The following SMARCA2 variants were observed in gnomAD, a reference collection of about 807,000 sequenced individuals.
SMARCA2 encodes the protein SWI/SNF related BAF chromatin remodeling complex subunit ATPase 2, also known as SWI/SNF-related matrix-associated actin-dependent regulator of chromatin subfamily A member 2.
A neutral mutation model predicts 199.8 loss-of-function variants in SMARCA2; 61 were observed. The ratio of observed to expected loss-of-function variants is 0.31; its 90% confidence interval spans 0.25 to 0.38. The LOEUF (loss-of-function observed/expected upper bound fraction) is 0.38. Among genes scored for constraint, SMARCA2 ranks in the 10% least tolerant of loss-of-function variants. The pLI is 1.00. For synonymous variants in SMARCA2, 935 were observed against 732.0 expected (o/e 1.28, Z -4.48); for missense variants, 1,344 against 2,012.2 (o/e 0.67, Z 6.35).
intron 8 of SMARCA2, among the ~76,000 whole-genome samples, chr9:2,059,986 C>T (rs1586659439): frequency 2.6e-5 from 4 of 152,036 alleles, no homozygotes; most frequent in South Asian, 4.2e-4. Flanking sequence ...TGTTTAACCT[C>T]ATCATGTTGC....
intron 29 of SMARCA2, among the ~76,000 whole-genome samples, chr9:2,172,546 T>A (rs1369100797): frequency 1.3e-5 from 2 of 151,924 alleles, no homozygotes; most frequent in East Asian, 3.9e-4. Context: ...GACCAGCTCA[T>A]TGGAGACGAA....
rs1210960105 is a variant in SMARCA2 at position 2,170,074 on chromosome 9, A to G, written c.4200-345A>G. Reference sequence around the variant, plus strand: ...GGCTAAACTCAGATAGACTAGCACTACCTTCCCAAGATCACACGCACCTCT... The same window carrying G: ...GGCTAAACTCAGATAGACTAGCACTGCCTTCCCAAGATCACACGCACCTCT... On this transcript the variant is annotated intron_variant, in intron 28 of 33. Transcript: ENST00000349721. The surrounding 1 kb of genome is among the most constrained non-coding windows in gnomAD (Gnocchi z 4.7). Among the ~76,000 whole-genome samples, 5 of 152,102 alleles carry G rather than the reference A, an allele frequency of 3.3e-5. No homozygotes were observed. The highest frequency in any genetic ancestry group is 5.9e-5 in the Non-Finnish European group (4 of 68,012).
In SMARCA2 at chr9:2,192,870, G is replaced by A. The variant is rs931389028; in HGVS notation, c.*131G>A. The stretch of plus-strand genomic sequence containing the variant: ...ATCATCGTCTATAAACTAGCTTTAG[G>A]ATAGTGCCAGACAAACATATGATAT... On this transcript the variant is annotated 3_prime_UTR_variant, in exon 34 of 34. Transcript: ENST00000349721. 1 of 697,852 alleles carries A rather than the reference G, an allele frequency of 1.4e-6. No homozygotes were observed. The highest frequency in any genetic ancestry group is 2.6e-6 in the Non-Finnish European group (1 of 386,338). 43.2% of individuals were successfully genotyped at this position (697,852 alleles called of 1,614,324 possible).
chr9:2,172,913 G>A (rs1826335834), intron 29 of SMARCA2, among the ~76,000 whole-genome samples: 1 of 152,212 alleles, frequency 6.6e-6, no homozygotes, highest in African/African-American at 2.4e-5. Flanking sequence ...AGTCTGTGAA[G>A]GATGGATCGA....
At chr9:2,181,015 A>C (rs1163474288) in intron 29 of SMARCA2, among the ~76,000 whole-genome samples, 1 of 152,002 alleles carries the variant, frequency 6.6e-6, no homozygotes, top group Non-Finnish European at 1.5e-5. Flanking sequence ...TACAGTATGT[A>C]AAATACCCTA....
intron 27 of SMARCA2, among the ~76,000 whole-genome samples, chr9:2,142,689 G>A (rs755478092): frequency 1.3e-5 from 2 of 152,204 alleles, no homozygotes; most frequent in East Asian, 1.9e-4. Flanking sequence ...AATAAAGGCA[G>A]TTTAAAGAGG....
At chr9:2,144,590 G>A (rs1413326061) in intron 27 of SMARCA2, among the ~76,000 whole-genome samples, 2 of 152,184 alleles carry the variant, frequency 1.3e-5, no homozygotes, top group Non-Finnish European at 2.9e-5. Flanking sequence ...CCCATCAGTA[G>A]TTAGGAGCTG....
chr9:2,160,378 A>G (rs7032394), intron 27 of SMARCA2: 43,654 of 529,342 alleles, frequency 0.082, 2,880 homozygotes, highest in African/African-American at 0.26. Context: ...TGTTGCTTCT[A>G]TGGATTTGCA....
chr9:2,113,207 C>T (rs1823078257), intron 24 of SMARCA2, among the ~76,000 whole-genome samples: 1 of 152,120 alleles, frequency 6.6e-6, no homozygotes. Flanking sequence ...CTTAATGTTG[C>T]TGATTGAGGA....
chr9:2,141,138 T>C (rs1020048694), intron 27 of SMARCA2, among the ~76,000 whole-genome samples: 1 of 148,266 alleles, frequency 6.7e-6, no homozygotes, highest in African/African-American at 2.5e-5. Context: ...TCCAAATTTA[T>C]TCCCATAGGA....
intron 4 of SMARCA2, chr9:2,042,902 A>G (rs1819673175): frequency 6.6e-6 from 1 of 152,148 alleles, no homozygotes; most frequent in African/African-American, 2.4e-5. Flanking sequence ...TGTCACTGAG[A>G]GGGCACTGCC....
chr9:2,050,809 C>T (rs916910398), intron 5 of SMARCA2, among the ~76,000 whole-genome samples: 1 of 152,178 alleles, frequency 6.6e-6, no homozygotes, highest in Non-Finnish European at 1.5e-5. Context: ...AGATAACTCT[C>T]CTACAGGAAT....
In SMARCA2 at chr9:2,102,738, C is replaced by T. The variant is rs1002345513; in HGVS notation, c.3125+1122C>T. ...GTAATCCAAGACTCTTGTCCTCCCC[C>T]AGTCCATTCTTACATGACGTCCATA... On this transcript the variant is annotated intron_variant, in intron 22 of 33. Transcript: ENST00000349721. 2.0e-5 allele frequency among the ~76,000 whole-genome samples: 3 copies of T among 152,254 alleles called. No individual in the cohort carries two copies. In the East Asian group the frequency reaches 5.8e-4, roughly 29 times the overall value.
intron 4 of SMARCA2, chr9:2,043,547 G>GTT (rs1041684970): frequency 6.6e-6 from 1 of 151,866 alleles, no homozygotes; most frequent in African/African-American, 2.4e-5. Flanking sequence ...AAAATAAAGT[G>GTT]TTTTTTTTGA....
chr9:2,135,023 G>A (rs1231693811), intron 27 of SMARCA2, among the ~76,000 whole-genome samples: 1 of 152,112 alleles, frequency 6.6e-6, no homozygotes, highest in Non-Finnish European at 1.5e-5. Context: ...ATATATTATG[G>A]GCCTTGACTC....
chr9:2,086,439 C>T lies in SMARCA2; in HGVS notation c.2527-390C>T, dbSNP rs1821807213. 6.6e-6 allele frequency among the ~76,000 whole-genome samples: 1 copy of T among 152,196 alleles called. No homozygotes were observed. The highest frequency in any genetic ancestry group is 2.4e-5 in the African/African-American group (1 of 41,448). Reference sequence around the variant, plus strand: ...TCAGGTGGGTACCTATATTCTGTGCCTGTCATGAGCTGAAATAGCATGACC... The same window carrying T: ...TCAGGTGGGTACCTATATTCTGTGCTTGTCATGAGCTGAAATAGCATGACC... On this transcript the variant is annotated intron_variant, in intron 17 of 33. Transcript: ENST00000349721. The surrounding 1 kb of genome is among the most constrained non-coding windows in gnomAD (Gnocchi z 4.3).
intron 27 of SMARCA2, among the ~76,000 whole-genome samples, chr9:2,133,375 C>A (rs910341042): frequency 2.6e-5 from 4 of 152,110 alleles, no homozygotes; most frequent in Admixed American, 2.6e-4. Context: ...TCAAACTCCT[C>A]GGCTCAAGCA....
At chr9:2,088,894 T>TTTTTTTTTTTTTTTA (rs1554624155) in intron 19 of SMARCA2, among the ~76,000 whole-genome samples, 2 of 151,366 alleles carry the variant, frequency 1.3e-5, no homozygotes, top group African/African-American at 4.9e-5. Flanking sequence ...TTTTTTTTTT[T>TTTTTTTTTTTTTTTA]AAATTACGGA....
At chr9:2,114,569 A>G (rs1489955564) in intron 24 of SMARCA2, among the ~76,000 whole-genome samples, 3 of 152,220 alleles carry the variant, frequency 2.0e-5, no homozygotes, top group Non-Finnish European at 4.4e-5. Flanking sequence ...AGACATGTGT[A>G]AACAACTAAT....
Sources: gnomAD v4.1 joint callset for allele counts (sites outside exome capture counted in the v4.1 genomes callset) on GRCh38, gnomAD v4.1.1 for gene constraint, Gnocchi (gnomAD v3.1) non-coding constraint, MANE v1.5 for transcripts, NCBI Gene and HGNC (gene_info 2026-07-23, HGNC 2026-07-21) for gene names.